Variants in SHTN1 observed in about 807,000 individuals in gnomAD.
SHTN1 encodes the protein shootin-1.
A neutral mutation model predicts 83.1 loss-of-function variants in SHTN1; 42 were observed. The observed-to-expected ratio is 0.51, with a 90% CI of 0.39 to 0.65. The LOEUF (loss-of-function observed/expected upper bound fraction) is 0.65. Ranked by LOEUF, SHTN1 falls within the 30% of genes least tolerant of loss-of-function variation. SHTN1 has a pLI of 0.00. For synonymous variants in SHTN1, 224 were observed against 247.7 expected, an observed-to-expected ratio of 0.90 and a Z score of 0.90; for missense variants, 622 against 737.8, an observed-to-expected ratio of 0.84 and a Z score of 1.82.
chr10:116,954,312 A>T (rs1849896666), intron 4 of SHTN1, 102 bp from the exon 5 acceptor site: 2 of 685,578 alleles, frequency 2.9e-6, no homozygotes, highest in Non-Finnish European at 4.8e-6. Context: ...TTACATATTC[A>T]TCAACACTCA....
chr10:116,883,685 C>A lies in SHTN1; in HGVS notation c.*2659G>T. The A allele has an allele frequency of 6.5e-6, 1 of 153,478 alleles. No homozygotes were observed. Among genetic ancestry groups the A allele is most frequent in the Non-Finnish European group, 1.5e-5 (1 of 68,810 alleles). 9.5% of individuals were successfully genotyped at this position (153,478 alleles called of 1,614,324 possible). A position where few individuals can be genotyped will look rare whatever the true frequency, so the allele number is the denominator to read the frequency against. ...TACTACTCCATTTCCAGCAGTTTAC[C>A]ATTAACAAAGAAGGTAAGGAAGGAG... On this transcript the variant is annotated 3_prime_UTR_variant, in exon 17 of 17. Coordinates refer to ENST00000355371, the MANE Select transcript of SHTN1 (RefSeq NM_001127211.3).
chr10:116,921,992 ACTCT>A (rs917350455), intron 11 of SHTN1, among the ~76,000 whole-genome samples: 75 of 152,234 alleles, frequency 4.9e-4, no homozygotes, highest in Middle Eastern at 3.4e-3. Context: ...TATTTACATC[ACTCT>A]CTCTCTGGTC....
chr10:116,946,561 AT>A, intron 7 of SHTN1, among the ~76,000 whole-genome samples: 1 of 122,212 alleles, frequency 8.2e-6, no homozygotes, highest in South Asian at 2.8e-4. Flanking sequence ...AAAATGATTT[AT>A]ATATAAATAT....
In SHTN1 at chr10:117,005,138, G is replaced by A. The variant is rs781530219; in HGVS notation, c.-59C>T. ...AGGGAGCGGCGCGGGGCACACAGGA[G>A]GAGGGGGAAGAAAAAGCAAGATGCC... On this transcript the variant is annotated 5_prime_UTR_variant, in exon 1 of 17. Transcript: ENST00000355371. The A allele has an allele frequency of 3.2e-5, 50 of 1,556,920 alleles. No individual in the cohort carries two copies. Among genetic ancestry groups the A allele is most frequent in the East Asian group, 2.1e-4 (9 of 42,192 alleles).
chr10:116,896,139 A>C (rs1163341893), intron 16 of SHTN1, among the ~76,000 whole-genome samples: 4 of 152,136 alleles, frequency 2.6e-5, no homozygotes, highest in Non-Finnish European at 5.9e-5. Context: ...ACACACACAG[A>C]ATGGAAGTTT....
chr10:116,914,545 C>T (rs530709249), intron 13 of SHTN1, among the ~76,000 whole-genome samples: 9 of 151,422 alleles, frequency 5.9e-5, no homozygotes, highest in African/African-American at 2.2e-4. Flanking sequence ...GACGTTCACA[C>T]GGTTGAGGTA....
At chr10:116,952,077 A>T (rs1227833891) in intron 5 of SHTN1, 71 bp from the exon 6 acceptor site, 19 of 739,008 alleles carry the variant, frequency 2.6e-5, no homozygotes, top group Non-Finnish European at 3.8e-5. Context: ...TGGTCAAAAG[A>T]ATTGAAAATG....
At chr10:116,908,957 A>G (rs1848081978) in intron 14 of SHTN1, among the ~76,000 whole-genome samples, 1 of 152,194 alleles carries the variant, frequency 6.6e-6, no homozygotes, top group Admixed American at 6.5e-5. Context: ...TTGTGGAGGA[A>G]AGAAAGGTTT....
chr10:116,949,059 A>G, intron 6 of SHTN1, 62 bp from the exon 7 acceptor site: 1 of 1,427,918 alleles, frequency 7.0e-7, no homozygotes, highest in East Asian at 2.6e-5. Context: ...ACATATGGCA[A>G]TGTGTGATAC....
intron 1 of SHTN1, among the ~76,000 whole-genome samples, chr10:117,058,888 C>G (rs1852862328): frequency 1.3e-5 from 2 of 152,122 alleles, no homozygotes; most frequent in Admixed American, 6.6e-5. Flanking sequence ...ATAAGCCAGT[C>G]ACAAAACAAA....
In SHTN1 at chr10:116,997,555, T is replaced by C. The variant is rs531737769; in HGVS notation, c.58+7467A>G. ...AGGTATTCTGCAGAACGTCTCTCAA[T>C]AGGGATTTGCTGATATTTTCCTCAT... is the stretch of plus-strand genomic sequence containing the variant. On this transcript the variant is annotated intron_variant, in intron 1 of 16. Coordinates refer to ENST00000355371, the MANE Select transcript of SHTN1 (RefSeq NM_001127211.3). Among the ~76,000 whole-genome samples, 24 of 152,284 alleles carry C rather than the reference T, an allele frequency of 1.6e-4. 1 individual carries two copies. In the East Asian group the frequency reaches 3.1e-3, roughly 20 times the overall value.
chr10:117,060,536 C>T (rs760527565), intron 1 of SHTN1, among the ~76,000 whole-genome samples: 13 of 152,152 alleles, frequency 8.5e-5, no homozygotes, highest in Non-Finnish European at 1.8e-4. Context: ...TAACTAGGAA[C>T]TCAGATGACT....
rs1023695561 is a variant in SHTN1 at position 117,070,720 on chromosome 10, C to T, written c.-188-22210G>A. Among the ~76,000 whole-genome samples the T allele has an allele frequency of 4.6e-5, 7 of 150,972 alleles. No individual in the cohort carries two copies. The East Asian group carries it at 9.8e-4, about 21-fold the overall frequency. ...GCCACAGCGGCACCCTGAGTGGATG[C>T]AAGAGATCAGTTTGGCGGTAAATCT... On this transcript the variant is annotated intron_variant, in intron 1 of 17. Coordinates refer to the SHTN1 transcript ENST00000392901.
In SHTN1 at chr10:117,041,149, T is replaced by C. The variant is rs1454426214; in HGVS notation, c.-123+7296A>G. Reference sequence around the variant, plus strand: ...TGTTTAAAATGTTTTGTGTTACTTATTTCTGCAGCAAGCTCACACACCTCT... The same window carrying C: ...TGTTTAAAATGTTTTGTGTTACTTACTTCTGCAGCAAGCTCACACACCTCT... On this transcript the variant is annotated intron_variant, in intron 2 of 17. Coordinates refer to the SHTN1 transcript ENST00000392901. Among the ~76,000 whole-genome samples the C allele has an allele frequency of 3.9e-5, 6 of 151,902 alleles. No individual in the cohort carries two copies. The East Asian group carries it at 1.2e-3, about 30-fold the overall frequency.
chr10:116,938,480 G>A (rs1849251334), intron 9 of SHTN1, among the ~76,000 whole-genome samples: 1 of 152,184 alleles, frequency 6.6e-6, no homozygotes, highest in Non-Finnish European at 1.5e-5. Flanking sequence ...GTTTGCCTGG[G>A]CATCATCAGT....
intron 16 of SHTN1, chr10:116,900,579 CA>C (rs1290983939): frequency 1.3e-6 from 2 of 1,533,026 alleles, no homozygotes; most frequent in Non-Finnish European, 1.7e-6. Flanking sequence ...TATACACACA[CA>C]CTGAAGCATT....
At chr10:116,907,355 G>A (rs940871642) in intron 14 of SHTN1, among the ~76,000 whole-genome samples, 2 of 152,202 alleles carry the variant, frequency 1.3e-5, no homozygotes, top group East Asian at 1.9e-4. Flanking sequence ...AGCAAGGGTC[G>A]GCATCTTAAC....
intron 3 of SHTN1, among the ~76,000 whole-genome samples, chr10:116,962,497 C>T (rs1407741237): frequency 6.6e-6 from 1 of 152,116 alleles, no homozygotes; most frequent in Non-Finnish European, 1.5e-5. Flanking sequence ...GGTATTTCCA[C>T]TATCATAACA....
chr10:117,007,493 G>A (rs530137603), upstream of SHTN1, among the ~76,000 whole-genome samples: 1 of 142,228 alleles, frequency 7.0e-6, no homozygotes, highest in African/African-American at 2.7e-5. Context: ...ATTAGAAAAG[G>A]CTCCTGAGCT....
Sources: allele counts gnomAD v4.1 joint callset (sites outside exome capture counted in the v4.1 genomes callset), GRCh38; gene constraint gnomAD v4.1.1; transcripts MANE v1.5; gene names NCBI Gene and HGNC (gene_info 2026-07-23, HGNC 2026-07-21).